Variants in GMDS observed in about 807,000 individuals in gnomAD.
GMDS encodes GDP-mannose 4,6 dehydratase.
GMDS carries 20 observed loss-of-function variants against 49.9 expected under a neutral mutation model. That is an observed-to-expected ratio of 0.40 (90% CI 0.28 to 0.58). The LOEUF (loss-of-function observed/expected upper bound fraction) is 0.58. GMDS is among the 20% of genes least tolerant of loss of function. The pLI is 0.42. For missense variants in GMDS, 362 were observed against 481.4 expected (o/e 0.75, Z 2.32); for synonymous variants, 177 against 178.6 (o/e 0.99, Z 0.07).
At chr6:1,854,377 C>T (rs1757849925) in intron 7 of GMDS, among the ~76,000 whole-genome samples, 1 of 152,200 alleles carries the variant, frequency 6.6e-6, no homozygotes, top group Non-Finnish European at 1.5e-5. Flanking sequence ...TTGTTGTAAA[C>T]ACCAAAACAC....
chr6:1,802,318 A>C (rs1769983502), intron 7 of GMDS, among the ~76,000 whole-genome samples: 1 of 152,238 alleles, frequency 6.6e-6, no homozygotes, highest in Non-Finnish European at 1.5e-5. Flanking sequence ...ACTTGAACTG[A>C]AGGACAAGAC....
intron 4 of GMDS, among the ~76,000 whole-genome samples, chr6:1,996,696 A>G (rs1416168386): frequency 6.6e-6 from 1 of 152,082 alleles, no homozygotes; most frequent in Non-Finnish European, 1.5e-5. Flanking sequence ...CTTCTACTTT[A>G]TGGATTCTTC....
At chr6:1,726,853 CATT>C (rs147285997) in intron 8 of GMDS, among the ~76,000 whole-genome samples, 8 of 151,820 alleles carry the variant, frequency 5.3e-5, no homozygotes, top group African/African-American at 9.6e-5. Context: ...TTGGTCAATT[CATT>C]ATTATTAATT....
rs148136158 is a variant in GMDS, at chr6:1,894,879, C to T, written c.771+35224G>A. Reference sequence around the variant, plus strand: ...TAGGAAATAGTTATTAGTTGAGGTACGGGATTTTACTTTATTACCTACTGA... The same window carrying T: ...TAGGAAATAGTTATTAGTTGAGGTATGGGATTTTACTTTATTACCTACTGA... On this transcript the variant is annotated intron_variant, in intron 7 of 10. Transcript: ENST00000380815. Among the ~76,000 whole-genome samples, 27 of 152,268 alleles carry T rather than the reference C, an allele frequency of 1.8e-4. No individual in the cohort carries two copies. The East Asian group carries it at 2.7e-3, about 15-fold the overall frequency.
chr6:2,067,525 A>G (rs1581602054), intron 4 of GMDS, among the ~76,000 whole-genome samples: 2 of 152,252 alleles, frequency 1.3e-5, no homozygotes, highest in East Asian at 3.9e-4. Flanking sequence ...TAGCAAGACT[A>G]ATAAAGAAAA....
intron 4 of GMDS, among the ~76,000 whole-genome samples, chr6:2,028,285 G>C (rs150016396): frequency 3.1e-3 from 476 of 152,254 alleles, no homozygotes; most frequent in Non-Finnish European, 5.6e-3. Flanking sequence ...GTTCACTTAA[G>C]TTAAATATGT....
At chr6:2,183,331 A>G (rs935810180) in intron 1 of GMDS, among the ~76,000 whole-genome samples, 13 of 152,144 alleles carry the variant, frequency 8.5e-5, no homozygotes, top group Admixed American at 5.2e-4. Context: ...ACTTATTAAC[A>G]TAAGTTTGGA....
chr6:1,821,155 A>G (rs1770871621), intron 7 of GMDS, among the ~76,000 whole-genome samples: 2 of 152,244 alleles, frequency 1.3e-5, no homozygotes, highest in South Asian at 4.1e-4. Flanking sequence ...AGCAAATGAG[A>G]CAGGAAACAT....
intron 1 of GMDS, among the ~76,000 whole-genome samples, chr6:2,157,379 T>C (rs145764951): frequency 6.6e-6 from 1 of 152,232 alleles, no homozygotes; most frequent in African/African-American, 2.4e-5. Flanking sequence ...GCAATATGAT[T>C]GCTAATTTCT....
intron 9 of GMDS, among the ~76,000 whole-genome samples, chr6:1,661,534 T>G (rs552010843): frequency 1.3e-3 from 199 of 152,304 alleles, no homozygotes; most frequent in Non-Finnish European, 1.0e-3. Flanking sequence ...GAATGTAGTT[T>G]GGAAGCACCT....
At chr6:2,221,011 T>C (rs963837792) in intron 1 of GMDS, among the ~76,000 whole-genome samples, 2 of 152,132 alleles carry the variant, frequency 1.3e-5, no homozygotes, top group African/African-American at 2.4e-5. Flanking sequence ...ACCCCGTCTA[T>C]ACAGAAATTT....
At chr6:1,866,085 G>A (rs1212108127) in intron 7 of GMDS, among the ~76,000 whole-genome samples, 1 of 152,168 alleles carries the variant, frequency 6.6e-6, no homozygotes, top group African/African-American at 2.4e-5. Flanking sequence ...CCACCTCTCC[G>A]TTTCCACCTC....
chr6:1,773,444 C>T (rs535196211), intron 7 of GMDS, among the ~76,000 whole-genome samples: 75 of 152,214 alleles, frequency 4.9e-4, no homozygotes, highest in Non-Finnish European at 8.4e-4. Context: ...GGTGCTAAAT[C>T]GTTTCACAAA....
intron 4 of GMDS, 67 bp downstream of exon 4, chr6:2,115,704 G>C (rs1453831601): frequency 4.9e-6 from 4 of 820,886 alleles, no homozygotes; most frequent in Non-Finnish European, 4.4e-6. Flanking sequence ...CTGAGAAGCA[G>C]CAGACACAAG....
At chr6:2,044,631 A>G (rs535184263) in intron 4 of GMDS, among the ~76,000 whole-genome samples, 225 of 152,330 alleles carry the variant, frequency 1.5e-3, no homozygotes, top group African/African-American at 5.2e-3. Flanking sequence ...TAATACCTGG[A>G]TGATGAAATA....
chr6:1,943,371 C>G (rs958740024), intron 6 of GMDS, among the ~76,000 whole-genome samples: 3 of 152,242 alleles, frequency 2.0e-5, no homozygotes, highest in Non-Finnish European at 2.9e-5. Flanking sequence ...TTACACTCCA[C>G]TGCAATCTTC....
chr6:2,009,247 C>A (rs1581508314), intron 4 of GMDS, among the ~76,000 whole-genome samples: 2 of 152,160 alleles, frequency 1.3e-5, no homozygotes, highest in Non-Finnish European at 2.9e-5. Context: ...TTGGTTAAAC[C>A]ATGAAGAAGT....
At chr6:1,940,558 A>C (rs185322309) in intron 6 of GMDS, among the ~76,000 whole-genome samples, 9 of 152,324 alleles carry the variant, frequency 5.9e-5, no homozygotes, top group Admixed American at 3.9e-4. Context: ...GATCAGAGAG[A>C]TCATACCTCA....
chr6:1,748,514 T>A (rs1767602238), intron 7 of GMDS, among the ~76,000 whole-genome samples: 1 of 152,198 alleles, frequency 6.6e-6, no homozygotes, highest in African/African-American at 2.4e-5. Context: ...TCTGTAAGGG[T>A]TTTTTTCTCT....
Sources: gnomAD v4.1 joint callset for allele counts (sites outside exome capture counted in the v4.1 genomes callset) on GRCh38, gnomAD v4.1.1 for gene constraint, MANE v1.5 for transcripts, NCBI Gene and HGNC (gene_info 2026-07-23, HGNC 2026-07-21) for gene names.